The following TCEANC2 variants were observed in gnomAD, a reference collection of about 807,000 sequenced individuals.
The protein encoded by TCEANC2 is transcription elongation factor A N-terminal and central domain containing 2.
In TCEANC2, 20 loss-of-function variants were observed where a neutral mutation model predicts 22.8. The observed-to-expected ratio is 0.88, with a 90% CI of 0.62 to 1.28. TCEANC2 has a LOEUF of 1.28. Among genes scored for constraint, TCEANC2 ranks in the 50% most tolerant of loss-of-function variants. TCEANC2 has a pLI of 0.00. For synonymous variants in TCEANC2, 84 were observed against 95.5 expected (o/e 0.88, Z 0.70); for missense variants, 251 against 249.7 (o/e 1.01, Z -0.03).
intron 2 of TCEANC2, among the ~76,000 whole-genome samples, chr1:54,054,930 T>C (rs11578397): frequency 0.039 from 5,927 of 152,354 alleles, 136 homozygotes; most frequent in South Asian, 0.074. Flanking sequence ...CAAACAGCTT[T>C]ACAGCTTCAG....
chr1:54,081,620 G>A (rs11206280), intron 3 of TCEANC2, among the ~76,000 whole-genome samples: 2,343 of 152,232 alleles, frequency 0.015, 33 homozygotes, highest in Middle Eastern at 0.078. Flanking sequence ...TTGTCTAGTA[G>A]AGGGTTTCCC....
chr1:54,054,761 T>TA (rs1157847922), intron 2 of TCEANC2, among the ~76,000 whole-genome samples: 3 of 152,218 alleles, frequency 2.0e-5, no homozygotes, highest in Non-Finnish European at 4.4e-5. Flanking sequence ...TGCTAGCTCG[T>TA]AGGACAAGTC....
chr1:54,083,455 C>CAAA (rs1658283687), intron 3 of TCEANC2, among the ~76,000 whole-genome samples: 1 of 152,150 alleles, frequency 6.6e-6, no homozygotes, highest in Non-Finnish European at 1.5e-5. Flanking sequence ...TCTCCAAAAG[C>CAAA]AATGCAAGAG....
chr1:54,086,542 G>A (rs912161019), intron 3 of TCEANC2, among the ~76,000 whole-genome samples: 3 of 152,148 alleles, frequency 2.0e-5, no homozygotes, highest in African/African-American at 7.2e-5. Context: ...CAAAAGTAAA[G>A]AGATAAAAAA....
chr1:54,090,352 A>G (rs1418026617), intron 4 of TCEANC2, among the ~76,000 whole-genome samples: 1 of 152,110 alleles, frequency 6.6e-6, no homozygotes, highest in African/African-American at 2.4e-5. Flanking sequence ...TTTTTTGGTA[A>G]ATTATTATGG....
At chr1:54,085,545 CT>C (rs1224444916) in intron 3 of TCEANC2, among the ~76,000 whole-genome samples, 1 of 151,932 alleles carries the variant, frequency 6.6e-6, no homozygotes, top group African/African-American at 2.4e-5. Context: ...AATGTTGTTA[CT>C]TTATAATATG....
intron 4 of TCEANC2, among the ~76,000 whole-genome samples, chr1:54,094,411 C>G (rs1010884334): frequency 6.6e-6 from 1 of 152,122 alleles, no homozygotes; most frequent in African/African-American, 2.4e-5. Context: ...CATATATGTA[C>G]AGCTCAGTGA....
intron 4 of TCEANC2, among the ~76,000 whole-genome samples, chr1:54,089,088 A>G (rs767430427): frequency 1.3e-5 from 2 of 152,236 alleles, no homozygotes; most frequent in African/African-American, 2.4e-5. Flanking sequence ...TTAGGCAGAT[A>G]GCTTAACGTT....
At chr1:54,111,778 A>G (rs1658844134) in exon 5 of TCEANC2, 1 of 152,216 alleles carries the variant, frequency 6.6e-6, no homozygotes, top group Non-Finnish European at 1.5e-5. Flanking sequence ...CCAGTAGGCC[A>G]CAGACAGGCT....
At chr1:54,082,986 A>T (rs2100376282) in intron 3 of TCEANC2, among the ~76,000 whole-genome samples, 1 of 152,314 alleles carries the variant, frequency 6.6e-6, no homozygotes, top group African/African-American at 2.4e-5. Context: ...AACCTGAATC[A>T]GGGTAGTAAG....
downstream of TCEANC2, among the ~76,000 whole-genome samples, chr1:54,106,461 C>T (rs1658755858): frequency 6.6e-6 from 1 of 151,990 alleles, no homozygotes; most frequent in Non-Finnish European, 1.5e-5. Flanking sequence ...ATTACTTTGA[C>T]ATGTGATCAA....
chr1:54,074,168 A>G (rs1658105161), intron 3 of TCEANC2, among the ~76,000 whole-genome samples: 2 of 152,216 alleles, frequency 1.3e-5, no homozygotes, highest in South Asian at 4.2e-4. Flanking sequence ...ATGGTGTGAT[A>G]ATAGTAGATA....
chr1:54,096,528 G>A lies in TCEANC2; in HGVS notation c.*55G>A. ...CAGAGAGGAAAATGGGCCTGTCTCT[G>A]CCGTTCAAAGACGCTTTTGAGTTTG... On this transcript the variant is annotated 3_prime_UTR_variant, in exon 5 of 5. Transcript: ENST00000234827. The surrounding 1 kb of genome is among the most constrained non-coding windows in gnomAD (Gnocchi z 4.9). 2.6e-6 allele frequency: 4 copies of A among 1,548,704 alleles called. No homozygotes were observed. The East Asian group carries it at 9.2e-5, about 35-fold the overall frequency.
At chr1:54,066,845 A>C (rs561619873) in intron 2 of TCEANC2, among the ~76,000 whole-genome samples, 1 of 152,230 alleles carries the variant, frequency 6.6e-6, no homozygotes. Flanking sequence ...AGACTGTCTC[A>C]GTTTTTACTA....
At chr1:54,091,290 T>A (rs568115586) in intron 4 of TCEANC2, among the ~76,000 whole-genome samples, 98 of 152,322 alleles carry the variant, frequency 6.4e-4, no homozygotes, top group African/African-American at 2.3e-3. Flanking sequence ...TCTGAGATAT[T>A]TCCATATTAG....
At chr1:54,061,600 T>C in intron 2 of TCEANC2, among the ~76,000 whole-genome samples, 1 of 152,366 alleles carries the variant, frequency 6.6e-6, no homozygotes, top group East Asian at 1.9e-4. Context: ...GTGATATGTA[T>C]GCTTTTATCA....
chr1:54,092,764 C>T (rs1018060084), intron 4 of TCEANC2, among the ~76,000 whole-genome samples: 3 of 152,198 alleles, frequency 2.0e-5, no homozygotes, highest in African/African-American at 7.2e-5. Context: ...AGAGCTTATG[C>T]ATGTGGCAGA....
At chr1:54,057,410 T>TG in intron 2 of TCEANC2, among the ~76,000 whole-genome samples, 1 of 148,550 alleles carries the variant, frequency 6.7e-6, no homozygotes, top group Non-Finnish European at 1.5e-5. Context: ...AGTCTGGTCT[T>TG]GAACTTCTGG....
At chr1:54,074,390 G>A (rs529318177) in intron 3 of TCEANC2, among the ~76,000 whole-genome samples, 1 of 152,140 alleles carries the variant, frequency 6.6e-6, no homozygotes, top group African/African-American at 2.4e-5. Context: ...GTGAACCCGG[G>A]GGGCAGAGCT....
Sources: allele counts gnomAD v4.1 joint callset (sites outside exome capture counted in the v4.1 genomes callset), GRCh38; gene constraint gnomAD v4.1.1; non-coding constraint Gnocchi (gnomAD v3.1); transcripts MANE v1.5; gene names NCBI Gene and HGNC (gene_info 2026-07-23, HGNC 2026-07-21).